CRBN: variants seen among roughly 807,000 people sequenced by gnomAD.
CRBN encodes the protein protein cereblon.
CRBN carries 53 observed loss-of-function variants against 62.2 expected under a neutral mutation model. The observed-to-expected ratio is 0.85, with a 90% CI of 0.68 to 1.07. The LOEUF is 1.07. CRBN is among the 50% of genes least tolerant of loss of function. CRBN has a pLI of 0.00. For missense variants in CRBN, 616 were observed against 531.1 expected, an observed-to-expected ratio of 1.16 and a Z score of -1.57; for synonymous variants, 208 against 176.1, an observed-to-expected ratio of 1.18 and a Z score of -1.43.
chr3:3,178,886 C>T (rs1559260591), intron 1 of CRBN, among the ~76,000 whole-genome samples: 2 of 147,340 alleles, frequency 1.4e-5, no homozygotes, highest in South Asian at 2.1e-4. Context: ...ATATTCCATG[C>T]ATTTTTTTTT....
At chr3:3,151,712 C>T (rs1706565125) in intron 10 of CRBN, among the ~76,000 whole-genome samples, 1 of 152,140 alleles carries the variant, frequency 6.6e-6, no homozygotes. Context: ...GATACATAGT[C>T]CTAACCCCAG....
At chr3:3,151,184 T>TCCCTG in intron 10 of CRBN, 139 bp from the exon 11 acceptor site, 1 of 872,470 alleles carries the variant, frequency 1.1e-6, no homozygotes, top group Non-Finnish European at 1.8e-6. Flanking sequence ...TCCATACAGT[T>TCCCTG]CCCTGAAACC....
intron 4 of CRBN, chr3:3,172,535 C>A: frequency 1.8e-6 from 1 of 541,320 alleles, no homozygotes; most frequent in Non-Finnish European, 3.3e-6. Context: ...GATGCTGCAG[C>A]CTCATCACTC....
intron 10 of CRBN, among the ~76,000 whole-genome samples, chr3:3,151,403 G>A (rs933481968): frequency 2.0e-5 from 3 of 152,134 alleles, no homozygotes; most frequent in Non-Finnish European, 4.4e-5. Flanking sequence ...TTGTATTGCA[G>A]TCAAGTTAGA....
At chr3:3,170,716 C>G (rs545996420) in intron 4 of CRBN, among the ~76,000 whole-genome samples, 1 of 152,198 alleles carries the variant, frequency 6.6e-6, no homozygotes. Context: ...GACAGACATA[C>G]CCTTATGAGA....
intron 4 of CRBN, among the ~76,000 whole-genome samples, chr3:3,168,582 A>G (rs796119479): frequency 1.6e-4 from 25 of 152,322 alleles, no homozygotes; most frequent in African/African-American, 5.8e-4. Context: ...AAATGCTAGT[A>G]TATAACACTG....
At chr3:3,164,642 A>C (rs893660890) in intron 5 of CRBN, among the ~76,000 whole-genome samples, 3 of 152,204 alleles carry the variant, frequency 2.0e-5, no homozygotes, top group African/African-American at 7.2e-5. Flanking sequence ...TGAATATTTT[A>C]AGCCTGCTGT....
At chr3:3,154,664 A>G (rs1706802472) in intron 7 of CRBN, 83 bp downstream of exon 7, 1 of 789,048 alleles carries the variant, frequency 1.3e-6, no homozygotes, top group Non-Finnish European at 2.3e-6. Flanking sequence ...AACCTAGAAG[A>G]TATGATTGGA....
At chr3:3,152,719 T>G in intron 9 of CRBN, 132 bp from the exon 10 acceptor site, 1 of 1,082,444 alleles carries the variant, frequency 9.2e-7, no homozygotes, top group Non-Finnish European at 1.4e-6. Flanking sequence ...CAGTTTTATA[T>G]AATACCAGGA....
intron 10 of CRBN, 59 bp from the exon 11 acceptor site, chr3:3,151,104 T>C (rs372715424): frequency 6.4e-7 from 1 of 1,566,086 alleles, no homozygotes; most frequent in East Asian, 2.3e-5. Context: ...AAGCCTATCA[T>C]ATAAACCTAT....
chr3:3,153,387 T>C, intron 9 of CRBN, 37 bp downstream of exon 9: 2 of 1,121,768 alleles, frequency 1.8e-6, no homozygotes, highest in South Asian at 1.2e-5. Flanking sequence ...ATAATTCTGA[T>C]AAGGCAAGTA....
intron 2 of CRBN, 137 bp from the exon 3 acceptor site, chr3:3,174,398 T>A: frequency 1.3e-6 from 1 of 744,030 alleles, no homozygotes; most frequent in Non-Finnish European, 2.2e-6. Context: ...TCCAGCACTT[T>A]GGGAGGCCGA....
chr3:3,169,830 C>T (rs976914796), intron 4 of CRBN, among the ~76,000 whole-genome samples: 1 of 152,092 alleles, frequency 6.6e-6, no homozygotes, highest in South Asian at 2.1e-4. Context: ...CAATCCCCTC[C>T]TCCTCTCTAC....
At chr3:3,166,845 T>C in intron 5 of CRBN, among the ~76,000 whole-genome samples, 1 of 152,112 alleles carries the variant, frequency 6.6e-6, no homozygotes, top group East Asian at 1.9e-4. Context: ...GGATTCTGTA[T>C]TTACATTAAA....
intron 10 of CRBN, among the ~76,000 whole-genome samples, chr3:3,151,581 G>GTAAT: frequency 6.6e-6 from 1 of 152,260 alleles, no homozygotes; most frequent in African/African-American, 2.4e-5. Flanking sequence ...GATAAACCAT[G>GTAAT]TAATTGCAAC....
chr3:3,154,271 A>G, intron 7 of CRBN, 196 bp from the exon 8 acceptor site: 1 of 575,558 alleles, frequency 1.7e-6, no homozygotes, highest in East Asian at 3.0e-5. Context: ...TGCTTTTCTT[A>G]TACTTTTTTT....
chr3:3,157,425 G>A (rs1559245649), intron 5 of CRBN, among the ~76,000 whole-genome samples: 1 of 152,086 alleles, frequency 6.6e-6, no homozygotes, highest in Non-Finnish European at 1.5e-5. Context: ...AGAGAGAAAA[G>A]GAATAAGGTA....
chr3:3,164,478 G>A lies in CRBN; in HGVS notation c.687+3156C>T, dbSNP rs192544441. The stretch of plus-strand genomic sequence containing the variant: ...AAAGTCCCTAAGTCTCCTTTCAGGG[G>A]CTAATAGCTGGTGACTTTAAGTTAA... On this transcript the variant is annotated intron_variant, in intron 5 of 10. Coordinates refer to ENST00000231948, the MANE Select transcript of CRBN (RefSeq NM_016302.4). Among the ~76,000 whole-genome samples the A allele has an allele frequency of 2.0e-3, 302 of 152,308 alleles. 4 individuals are homozygous for A. The highest frequency in any genetic ancestry group is 7.1e-3 in the African/African-American group (295 of 41,574).
In CRBN at chr3:3,153,489, C is replaced by A; in HGVS notation, c.952-1G>T. 1 of 1,558,748 alleles carries A rather than the reference C, an allele frequency of 6.4e-7. No homozygotes were observed. The highest frequency in any genetic ancestry group is 8.8e-7 in the Non-Finnish European group (1 of 1,129,960). ...ATTGTTTACAGCAAAGGGAAGTACA[C>A]TAAAAGATTTGAGAGAAAAATTATT... is the stretch of plus-strand genomic sequence containing the variant. On this transcript the variant is annotated splice_acceptor_variant, in intron 8 of 10. Coordinates refer to ENST00000231948, the MANE Select transcript of CRBN (RefSeq NM_016302.4). LOFTEE classifies it high-confidence loss of function.
Sources: allele counts gnomAD v4.1 joint callset (sites outside exome capture counted in the v4.1 genomes callset), GRCh38; gene constraint gnomAD v4.1.1; transcripts MANE v1.5; gene names NCBI Gene and HGNC (gene_info 2026-07-23, HGNC 2026-07-21).